Variants in FAM110C observed in about 807,000 individuals in gnomAD.
FAM110C encodes family with sequence similarity 110 member C.
FAM110C carries 19 observed loss-of-function variants against 15.7 expected under a neutral mutation model. The ratio of observed to expected loss-of-function variants is 1.21; its 90% confidence interval spans 0.85 to 1.78. The LOEUF (loss-of-function observed/expected upper bound fraction) is 1.78. Ranked by LOEUF, FAM110C falls within the 40% of genes most tolerant of loss-of-function variation. The probability of loss-of-function intolerance (pLI) is 0.00; values close to 1 mark genes in which losing one functional copy is unlikely to be tolerated. For missense variants in FAM110C, 547 were observed against 495.7 expected, an observed-to-expected ratio of 1.10 and a Z score of -0.98; for synonymous variants, 275 against 233.9, an observed-to-expected ratio of 1.18 and a Z score of -1.61.
At position 46,077 on chromosome 2, in the gene FAM110C, G is replaced by A. The variant is rs772415256; in HGVS notation, c.309C>T (p.Tyr103=). 14 of 1,524,984 alleles carry A rather than the reference G, an allele frequency of 9.2e-6. No individual in the cohort carries two copies. In the Admixed American group the frequency reaches 2.5e-4, roughly 27 times the overall value. 94.5% of individuals were successfully genotyped at this position (1,524,984 alleles called of 1,614,324 possible). ...CTCGCACGAATTCGCATTTCTGCCGGTAGATGATCAGCGAGTCCGGTCTCA... is the reference window on the plus strand; with the variant it reads ...CTCGCACGAATTCGCATTTCTGCCGATAGATGATCAGCGAGTCCGGTCTCA... ...KPLRPDSLII[Y]RQKCEFVRGS... Residue 103 remains tyrosine (Y), a synonymous_variant, in exon 1 of 2, where the codon TAC becomes TAT. Transcript: ENST00000327669.
Position 41,512 on chromosome 2 carries a change from T to C in FAM110C, c.*96A>G. ...CTTGTTTTGTCAATGGGATGCTGCA[T>C]TCCTGGTAAAACAGCAATCATGTGG... On this transcript the variant is annotated 3_prime_UTR_variant, in exon 2 of 2. Coordinates refer to ENST00000327669, the MANE Select transcript of FAM110C (RefSeq NM_001077710.3). 1 of 1,409,178 alleles carries C rather than the reference T, an allele frequency of 7.1e-7. No homozygotes were observed. Among genetic ancestry groups the C allele is most frequent in the Non-Finnish European group, 9.9e-7 (1 of 1,013,998 alleles). The allele number at this position is 1,409,178 out of a possible 1,614,324, so 87.3% of individuals were successfully genotyped here. A position where few individuals can be genotyped will look rare whatever the true frequency, so the allele number is the denominator to read the frequency against.
intron 1 of FAM110C, chr2:43,515 T>C: frequency 1.0e-6 from 1 of 985,402 alleles, no homozygotes; most frequent in South Asian, 4.7e-5. Context: ...ACAAGCTAAC[T>C]AAACTTCTTA....
In FAM110C at chr2:46,364, T is replaced by C. The variant is rs1664313915; in HGVS notation, c.22A>G (p.Ser8Gly). The C allele has an allele frequency of 1.5e-6, 2 of 1,302,064 alleles. No individual in the cohort carries two copies. Among genetic ancestry groups the C allele is most frequent in the Admixed American group, 4.2e-5 (1 of 23,808 alleles). 80.7% of individuals were successfully genotyped at this position (1,302,064 alleles called of 1,614,324 possible). The change falls in exon 1 of 2, where the codon AGC becomes GGC. Residue 8 changes from serine to glycine, a missense_variant. Transcript: ENST00000327669. ...AGGAGCCGCTCGTTCGGGGGCGCGC[T>C]CAGGGCCGCCAGGGCGCGCATCTTC... MRALAAL[S>G]APPNERLLPR...
At chr2:42,358 T>A (rs2103269879) in intron 1 of FAM110C, 1 of 968,814 alleles carries the variant, frequency 1.0e-6, no homozygotes, top group South Asian at 4.8e-5. Context: ...GTTTTATGCC[T>A]AATTTCCCAA....
Position 46,242 on chromosome 2 carries a change from C to T in FAM110C, c.144G>A (p.Val48=). The change falls in exon 1 of 2, where the codon GTG becomes GTA. Residue 48 remains valine, a synonymous_variant. Transcript: ENST00000327669. The part of the protein sequence containing the change: ...ERLAADRAKY[V]RGRPGTGRGV... ...CCCGGCCAGTCCCCGGCCGACCCCG[C>T]ACATACTTGGCGCGATCCGCCGCCA... The T allele has an allele frequency of 7.1e-7, 1 of 1,414,778 alleles. No individual in the cohort carries two copies. The allele number at this position is 1,414,778 out of a possible 1,614,324, so 87.6% of individuals were successfully genotyped here. A position where few individuals can be genotyped will look rare whatever the true frequency, so the allele number is the denominator to read the frequency against.
chr2:40,558 C>G lies in FAM110C; in HGVS notation c.*1050G>C, dbSNP rs1664097219. On this transcript the variant is annotated 3_prime_UTR_variant, in exon 2 of 2. Transcript: ENST00000327669. The stretch of plus-strand genomic sequence containing the variant: ...TTAGGGACCCAGTAACCCCCATGAA[C>G]ATTCTCATTATAGCCGCCCTCAGGC... 1 of 152,214 alleles carries G rather than the reference C, an allele frequency of 6.6e-6. No individual in the cohort carries two copies. The highest frequency in any genetic ancestry group is 1.5e-5 in the Non-Finnish European group (1 of 68,050). 9.4% of individuals were successfully genotyped at this position (152,214 alleles called of 1,614,324 possible).
chr2:44,839 A>G, intron 1 of FAM110C: 2 of 985,458 alleles, frequency 2.0e-6, no homozygotes, highest in Non-Finnish European at 2.4e-6. Context: ...AAATTTAGCC[A>G]AATAAAGATC....
chr2:41,547 C>T lies in FAM110C; in HGVS notation c.*61G>A, dbSNP rs1051934453. The T allele has an allele frequency of 6.3e-6, 10 of 1,598,368 alleles. No homozygotes were observed. In the African/African-American group the frequency reaches 1.2e-4, roughly 19 times the overall value. ...AACAGCAATCATGTGGTCACCTAGG[C>T]ACACTAGCCAAATGGTCCTGGGATC... On this transcript the variant is annotated 3_prime_UTR_variant, in exon 2 of 2. Transcript: ENST00000327669.
rs749980963 is a variant in FAM110C, at chr2:45,399, C to T, written c.946+41G>A. On this transcript the variant is annotated intron_variant, in intron 1 of 1. Transcript: ENST00000327669. Reference sequence around the variant, plus strand: ...TCACACTCACCAAGATTCACAGCCCCGCACACGGCCAGCCCCGCCCCCAGC... The same window carrying T: ...TCACACTCACCAAGATTCACAGCCCTGCACACGGCCAGCCCCGCCCCCAGC... 5 of 1,566,914 alleles carry T rather than the reference C, an allele frequency of 3.2e-6. No individual in the cohort carries two copies. The African/African-American group carries it at 6.8e-5, about 21-fold the overall frequency.
rs1252850049 is a variant in FAM110C at position 39,017 on chromosome 2, C to T, written c.*2591G>A. On this transcript the variant is annotated 3_prime_UTR_variant, in exon 2 of 2. Transcript: ENST00000327669. The stretch of plus-strand genomic sequence containing the variant: ...AAAAGGGGAATGTTCAATAAAGCCT[C>T]CTTTTTCTTCCAGTTTCAGTGCCCA... 1 of 152,146 alleles carries T rather than the reference C, an allele frequency of 6.6e-6. No individual in the cohort carries two copies. The highest frequency in any genetic ancestry group is 1.5e-5 in the Non-Finnish European group (1 of 68,030). The allele number at this position is 152,146 out of a possible 1,614,324, so 9.4% of individuals were successfully genotyped here. A position where few individuals can be genotyped will look rare whatever the true frequency, so the allele number is the denominator to read the frequency against.
chr2:44,325 C>T, intron 1 of FAM110C: 1 of 985,274 alleles, frequency 1.0e-6, no homozygotes, highest in Non-Finnish European at 1.2e-6. Context: ...CATGTCTGTA[C>T]TAAAGTCATA....
Position 41,512 on chromosome 2 carries a change from T to G in FAM110C, c.*96A>C. On this transcript the variant is annotated 3_prime_UTR_variant, in exon 2 of 2. Coordinates refer to ENST00000327669, the MANE Select transcript of FAM110C (RefSeq NM_001077710.3). The stretch of plus-strand genomic sequence containing the variant: ...CTTGTTTTGTCAATGGGATGCTGCA[T>G]TCCTGGTAAAACAGCAATCATGTGG... 7.1e-7 allele frequency: 1 copy of G among 1,409,178 alleles called. No individual in the cohort carries two copies. Among genetic ancestry groups the G allele is most frequent in the Non-Finnish European group, 9.9e-7 (1 of 1,013,998 alleles). The allele number at this position is 1,409,178 out of a possible 1,614,324, so 87.3% of individuals were successfully genotyped here. A position where few individuals can be genotyped will look rare whatever the true frequency, so the allele number is the denominator to read the frequency against.
Position 45,681 on chromosome 2 carries a change from C to T in FAM110C, c.705G>A (p.Glu235=). ...DPEVVEALGR[E]NFTAGSDCVT... ...CACAGTCCGACCCCGCGGTGAAGTTCTCCCTCCCCAGGGCCTCCACCACCT... is the reference window on the plus strand; with the variant it reads ...CACAGTCCGACCCCGCGGTGAAGTTTTCCCTCCCCAGGGCCTCCACCACCT... The change falls in exon 1 of 2, where the codon GAG becomes GAA. Residue 235 remains glutamate (E), a synonymous_variant. Coordinates refer to ENST00000327669, the MANE Select transcript of FAM110C (RefSeq NM_001077710.3). 1 of 1,606,710 alleles carries T rather than the reference C, an allele frequency of 6.2e-7. No homozygotes were observed. Among genetic ancestry groups the T allele is most frequent in the East Asian group, 2.2e-5 (1 of 44,568 alleles).
At chr2:43,082 A>G in intron 1 of FAM110C, 1 of 985,510 alleles carries the variant, frequency 1.0e-6, no homozygotes, top group Non-Finnish European at 1.2e-6. Context: ...TCATGAGCAG[A>G]CACTGTTCCG....
At chr2:43,918 A>G (rs1284639475) in intron 1 of FAM110C, 1 of 985,350 alleles carries the variant, frequency 1.0e-6, no homozygotes, top group African/African-American at 1.7e-5. Flanking sequence ...GTTGAAAACC[A>G]TCCGCCTATC....
chr2:39,655 T>A lies in FAM110C; in HGVS notation c.*1953A>T, dbSNP rs887085660. 1 of 152,182 alleles carries A rather than the reference T, an allele frequency of 6.6e-6. No homozygotes were observed. Among genetic ancestry groups the A allele is most frequent in the African/African-American group, 2.4e-5 (1 of 41,444 alleles). 9.4% of individuals were successfully genotyped at this position (152,182 alleles called of 1,614,324 possible). A position where few individuals can be genotyped will look rare whatever the true frequency, so the allele number is the denominator to read the frequency against. On this transcript the variant is annotated 3_prime_UTR_variant, in exon 2 of 2. Transcript: ENST00000327669. ...ACATTTCTAAAAGATCTTGGTGGCTTTAGTGGAAACCATTTGGTTTTTACA... is the reference window on the plus strand; with the variant it reads ...ACATTTCTAAAAGATCTTGGTGGCTATAGTGGAAACCATTTGGTTTTTACA...
chr2:45,373 G>T (rs1295875559), intron 1 of FAM110C, 67 bp downstream of exon 1: 5 of 1,529,202 alleles, frequency 3.3e-6, no homozygotes, highest in Non-Finnish European at 4.4e-6. Flanking sequence ...GCCCAGCTCG[G>T]TCACACTCAC....
chr2:42,198 T>C (rs1229539085), intron 1 of FAM110C: 1 of 985,316 alleles, frequency 1.0e-6, no homozygotes, highest in East Asian at 1.1e-4. Context: ...CCGGGTTTAT[T>C]TTTTCTGCAT....
intron 1 of FAM110C, 141 bp from the exon 2 acceptor site, chr2:41,768 G>C: frequency 7.4e-7 from 1 of 1,356,800 alleles, no homozygotes; most frequent in Non-Finnish European, 9.5e-7. Context: ...CTTCTTTTGC[G>C]TTTTAAATTT....
Sources: allele counts gnomAD v4.1 joint callset, GRCh38; gene constraint gnomAD v4.1.1; transcripts MANE v1.5; gene names NCBI Gene and HGNC (gene_info 2026-07-23, HGNC 2026-07-21).